COL23A1: variants seen among roughly 807,000 people sequenced by gnomAD.
The protein encoded by COL23A1 is collagen alpha-1(XXIII) chain.
A neutral mutation model predicts 99.3 loss-of-function variants in COL23A1; 97 were observed. The observed-to-expected ratio is 0.98, with a 90% confidence interval of 0.83 to 1.16. COL23A1 has a LOEUF of 1.16. Among genes scored for constraint, COL23A1 ranks in the 50% most tolerant of loss-of-function variants. The probability of loss-of-function intolerance (pLI) is 0.00; values close to 1 mark genes in which losing one functional copy is unlikely to be tolerated. For missense variants in COL23A1, 762 were observed against 757.4 expected, an observed-to-expected ratio of 1.01 and a Z score of -0.07; for synonymous variants, 320 against 308.2, an observed-to-expected ratio of 1.04 and a Z score of -0.40.
intron 5 of COL23A1, among the ~76,000 whole-genome samples, chr5:178,277,555 G>A (rs1756659361): frequency 1.3e-5 from 2 of 152,236 alleles, no homozygotes; most frequent in South Asian, 2.1e-4. Flanking sequence ...GAGGTGACTC[G>A]CCAGCTCTGC....
intron 24 of COL23A1, 64 bp downstream of exon 24, chr5:178,246,190 G>A (rs1764683498): frequency 3.9e-6 from 6 of 1,526,292 alleles, no homozygotes; most frequent in African/African-American, 1.4e-5. Context: ...TGGGGTCCCC[G>A]GGCTGAGCGC....
chr5:178,493,581 C>T (rs1345022281), intron 2 of COL23A1, among the ~76,000 whole-genome samples: 1 of 152,230 alleles, frequency 6.6e-6, no homozygotes, highest in Non-Finnish European at 1.5e-5. Context: ...GAAGACCAGC[C>T]CTCAAGTTTC....
intron 2 of COL23A1, among the ~76,000 whole-genome samples, chr5:178,541,610 G>A (rs1023538607): frequency 6.6e-6 from 1 of 152,130 alleles, no homozygotes; most frequent in Non-Finnish European, 1.5e-5. Flanking sequence ...CATAACATAT[G>A]TATACCTTAC....
chr5:178,464,798 G>A (rs1756325592), intron 2 of COL23A1, among the ~76,000 whole-genome samples: 1 of 152,072 alleles, frequency 6.6e-6, no homozygotes. Context: ...CAGATCCCGT[G>A]AGGCCTCAGC....
chr5:178,255,942 T>G lies in COL23A1; in HGVS notation c.882+411A>C. On this transcript the variant is annotated intron_variant, in intron 15 of 28. Coordinates refer to ENST00000390654, the MANE Select transcript of COL23A1 (RefSeq NM_173465.4). This position sits in a 1 kb window ranked among gnomAD's most constrained non-coding sequence, Gnocchi z 4.2. ...TGGTCACAAAAGATCTGGGGCAGGCTGGGGTGCTGTGCTCCTGGTGGCAGG... is the reference window on the plus strand; with the variant it reads ...TGGTCACAAAAGATCTGGGGCAGGCGGGGGTGCTGTGCTCCTGGTGGCAGG... 1 of 247,694 alleles carries G rather than the reference T, an allele frequency of 4.0e-6. No homozygotes were observed. Among genetic ancestry groups the G allele is most frequent in the South Asian group, 3.8e-5 (1 of 26,460 alleles). The allele number at this position is 247,694 out of a possible 1,614,324, so 15.3% of individuals were successfully genotyped here. A position where few individuals can be genotyped will look rare whatever the true frequency, so the allele number is the denominator to read the frequency against.
chr5:178,386,594 G>C (rs1350455920), intron 2 of COL23A1, among the ~76,000 whole-genome samples: 1 of 152,138 alleles, frequency 6.6e-6, no homozygotes, highest in Non-Finnish European at 1.5e-5. Flanking sequence ...AGGGGGGTCG[G>C]GGTGGGTGAG....
chr5:178,576,126 C>A (rs964476023), intron 1 of COL23A1, among the ~76,000 whole-genome samples: 1 of 152,060 alleles, frequency 6.6e-6, no homozygotes, highest in Admixed American at 6.5e-5. Flanking sequence ...CAACTTACAG[C>A]CGTTGGGGGT....
In COL23A1 at chr5:178,463,826, C is replaced by T. The variant is rs559664544; in HGVS notation, c.361+96856G>A. Among the ~76,000 whole-genome samples, 641 of 152,334 alleles carry T rather than the reference C, an allele frequency of 4.2e-3. 2 individuals carry two copies. The highest frequency in any genetic ancestry group is 7.6e-3 in the Non-Finnish European group (517 of 68,030). On this transcript the variant is annotated intron_variant, in intron 2 of 28. Transcript: ENST00000390654. ...TCCCTTTGTGGCTGCGGACACTGTG[C>T]AGGTATGAGCCCTTTGGCCTGCCTG...
intron 2 of COL23A1, among the ~76,000 whole-genome samples, chr5:178,478,606 G>A (rs753430081): frequency 2.6e-5 from 4 of 152,180 alleles, no homozygotes; most frequent in Non-Finnish European, 5.9e-5. Context: ...GGCGGCAAAC[G>A]TTTCCTGTGC....
In COL23A1 at chr5:178,530,529, T is replaced by C. The variant is rs139215298; in HGVS notation, c.361+30153A>G. Among the ~76,000 whole-genome samples, 126 of 152,296 alleles carry C rather than the reference T, an allele frequency of 8.3e-4. 1 individual carries two copies. The East Asian group carries it at 0.018, about 22-fold the overall frequency. ...GCCAGACAGAATCACTTGCTTCTAATGAAGAGAAAGTGACACAGTGATACT... is the reference window on the plus strand; with the variant it reads ...GCCAGACAGAATCACTTGCTTCTAACGAAGAGAAAGTGACACAGTGATACT... On this transcript the variant is annotated intron_variant, in intron 2 of 28. Transcript: ENST00000390654.
At chr5:178,575,771 G>A (rs1457515637) in intron 1 of COL23A1, among the ~76,000 whole-genome samples, 1 of 152,236 alleles carries the variant, frequency 6.6e-6, no homozygotes, top group East Asian at 1.9e-4. Context: ...GAGTGCATGA[G>A]CCATTGTGTT....
chr5:178,489,143 G>C lies in COL23A1; in HGVS notation c.361+71539C>G, dbSNP rs563808240. Among the ~76,000 whole-genome samples, 172 of 152,348 alleles carry C rather than the reference G, an allele frequency of 1.1e-3. 5 individuals are homozygous for C. In the South Asian group the frequency reaches 0.035, roughly 31 times the overall value. On this transcript the variant is annotated intron_variant, in intron 2 of 28. Coordinates refer to ENST00000390654, the MANE Select transcript of COL23A1 (RefSeq NM_173465.4). ...GCATGGAGGTCAGTGGGCTGAGAGG[G>C]GAAGATCTGCCCTCAATGTGGGTGG...
intron 2 of COL23A1, among the ~76,000 whole-genome samples, chr5:178,336,669 G>A (rs1436625821): frequency 6.6e-6 from 1 of 152,124 alleles, no homozygotes; most frequent in Non-Finnish European, 1.5e-5. Flanking sequence ...TGTGACACTG[G>A]GAATGTACTC....
At chr5:178,344,815 T>C (rs1024153806) in intron 2 of COL23A1, 7 of 634,152 alleles carry the variant, frequency 1.1e-5, no homozygotes, top group African/African-American at 5.6e-5. Flanking sequence ...AAGATCACTG[T>C]AGCTCAGGCC....
In COL23A1 at chr5:178,353,277, T is replaced by C. The variant is rs148672112; in HGVS notation, c.362-46358A>G. On this transcript the variant is annotated intron_variant, in intron 2 of 28. Transcript: ENST00000390654. ...AGTAGTAAAAAAAAAGCTATAAATT[T>C]CTTTTATGTCTGATTTGAGAAAGGC... Among the ~76,000 whole-genome samples the C allele has an allele frequency of 2.0e-5, 3 of 152,310 alleles. No homozygotes were observed. The East Asian group carries it at 5.8e-4, about 29-fold the overall frequency.
chr5:178,419,400 GT>G (rs1170220592), intron 2 of COL23A1, among the ~76,000 whole-genome samples: 1 of 152,214 alleles, frequency 6.6e-6, no homozygotes, highest in Non-Finnish European at 1.5e-5. Context: ...GAGGTCACCG[GT>G]AACGACAGTA....
chr5:178,541,383 T>C (rs1271776200), intron 2 of COL23A1, among the ~76,000 whole-genome samples: 1 of 151,546 alleles, frequency 6.6e-6, no homozygotes, highest in Admixed American at 6.6e-5. Context: ...AGGCCAGGAG[T>C]TCAAGACCAG....
At chr5:178,368,837 G>A (rs1227466540) in intron 2 of COL23A1, among the ~76,000 whole-genome samples, 5 of 152,250 alleles carry the variant, frequency 3.3e-5, no homozygotes, top group East Asian at 3.8e-4. Context: ...ATAAGGTCAC[G>A]GACTTGCTTT....
rs560382414 is a variant in COL23A1, at chr5:178,537,153, A to T, written c.361+23529T>A. ...CGTAGAGGGAGGGGGTCCCACATAC[A>T]GGCCGGGGGTGACAGGGAGAGGAGC... is the stretch of plus-strand genomic sequence containing the variant. On this transcript the variant is annotated intron_variant, in intron 2 of 28. Coordinates refer to ENST00000390654, the MANE Select transcript of COL23A1 (RefSeq NM_173465.4). 9.9e-5 allele frequency among the ~76,000 whole-genome samples: 15 copies of T among 152,258 alleles called. No homozygotes were observed. In the East Asian group the frequency reaches 2.7e-3, roughly 27 times the overall value.
Sources: allele counts gnomAD v4.1 joint callset (sites outside exome capture counted in the v4.1 genomes callset), GRCh38; gene constraint gnomAD v4.1.1; non-coding constraint Gnocchi (gnomAD v3.1); transcripts MANE v1.5; gene names NCBI Gene and HGNC (gene_info 2026-07-23, HGNC 2026-07-21).